The following TBL1X variants were observed in gnomAD, a reference collection of about 807,000 sequenced individuals.
The protein encoded by TBL1X is F-box-like/WD repeat-containing protein TBL1X.
In TBL1X, 10 loss-of-function variants were observed where a neutral mutation model predicts 50.7. The ratio of observed to expected loss-of-function variants is 0.20; its 90% CI spans 0.12 to 0.33. TBL1X has a LOEUF of 0.33. TBL1X is among the 10% of genes least tolerant of loss of function. TBL1X has a pLI of 1.00. For synonymous variants in TBL1X, 190 were observed against 214.7 expected (o/e 0.88, Z 1.01); for missense variants, 340 against 504.4 (o/e 0.67, Z 3.12).
intron 2 of TBL1X, among the ~76,000 whole-genome samples, chrX:9,614,299 G>A (rs533759292): frequency 9.0e-6 from 1 of 111,640 alleles, no homozygotes; most frequent in African/African-American, 3.3e-5. Flanking sequence ...TGAATGTGGT[G>A]GCTCACATCT....
At chrX:9,482,034 A>G (rs1392582903) in intron 1 of TBL1X, among the ~76,000 whole-genome samples, 20 of 112,367 alleles carry the variant, frequency 1.8e-4, no homozygotes, top group African/African-American at 6.1e-4. Flanking sequence ...GAAAAAAACT[A>G]TAGAACACCT....
At chrX:9,488,705 T>C (rs1355411461) in intron 1 of TBL1X, among the ~76,000 whole-genome samples, 1 of 112,120 alleles carries the variant, frequency 8.9e-6, no homozygotes, top group Non-Finnish European at 1.9e-5. Flanking sequence ...ACTTCCTTTG[T>C]TTCTGTCTCT....
chrX:9,645,350 G>A (rs1330859511), intron 3 of TBL1X: 1 of 112,055 alleles, frequency 8.9e-6, no homozygotes, highest in Non-Finnish European at 1.9e-5. Flanking sequence ...ACGCCCAGCC[G>A]ACATTCCCAG....
intron 2 of TBL1X, among the ~76,000 whole-genome samples, chrX:9,545,021 T>G (rs1461360145): frequency 1.0e-4 from 10 of 98,118 alleles, no homozygotes; most frequent in Admixed American, 1.1e-4. Flanking sequence ...TTTTTTTTTT[T>G]TTTGAAATGG....
At chrX:9,519,184 C>T in intron 2 of TBL1X, among the ~76,000 whole-genome samples, 1 of 111,871 alleles carries the variant, frequency 8.9e-6, no homozygotes, top group Non-Finnish European at 1.9e-5. Flanking sequence ...ACATGGAATG[C>T]CACAATGTAC....
At chrX:9,578,640 G>T (rs1353250294) in intron 2 of TBL1X, among the ~76,000 whole-genome samples, 2 of 111,877 alleles carry the variant, frequency 1.8e-5, no homozygotes, top group Non-Finnish European at 3.8e-5. Flanking sequence ...GTTGCCTGTG[G>T]CAGATGCAGG....
At chrX:9,711,174 T>G (rs1455130128) in intron 15 of TBL1X, among the ~76,000 whole-genome samples, 1 of 109,913 alleles carries the variant, frequency 9.1e-6, no homozygotes, top group Admixed American at 9.8e-5. Context: ...AAACCCCGTC[T>G]CTACAAAAAA....
chrX:9,693,076 G>C, intron 9 of TBL1X, 73 bp from the exon 10 acceptor site: 3 of 1,095,503 alleles, frequency 2.7e-6, no homozygotes, highest in Non-Finnish European at 3.8e-6. Context: ...TCCTCGGAGA[G>C]GCTCTCCGAG....
rs374017922 is a variant in TBL1X, at chrX:9,688,218, C to T, written c.559C>T (p.Pro187Ser). The T allele has an allele frequency of 4.2e-6, 5 of 1,200,263 alleles. 1 individual carries two copies. Among genetic ancestry groups the T allele is most frequent in the Admixed American group, 4.5e-5 (2 of 44,715 alleles). Residue 187 changes from proline (P) to serine (S), a missense_variant, in exon 7 of 18, where the codon CCA becomes TCA. Around this residue, in one of 6 missense-constraint regions of TBL1X, gnomAD observed 99 missense variants for 93.3 expected, o/e 1.06. Coordinates refer to ENST00000645353, the MANE Select transcript of TBL1X (RefSeq NM_005647.4). ...TTSAGVSHQN[P>S]SKNREATVNG... ...CTCAGCCGGCGTTTCCCACCAAAAT[C>T]CATCGAAGAACAGAGAGGCCACGGT...
chrX:9,491,324 ATATATATATATATATTT>A lies in TBL1X; in HGVS notation c.-200-10454_-200-10438del, dbSNP rs1294144564. Among the ~76,000 whole-genome samples, 43 of 67,829 alleles carry A rather than the reference ATATATATATATATATTT, an allele frequency of 6.3e-4. 1 individual carries two copies. Among genetic ancestry groups the A allele is most frequent in the African/African-American group, 2.5e-3 (36 of 14,299 alleles). The allele number at this position is 67,829 out of a possible 115,157, so 58.9% of individuals were successfully genotyped here. ...AGTATATTTATATATATATATATATATATATATATATATATTTTTTTTTTTTTTTTCTTTGAGACAGA... is the reference window on the plus strand; with the variant it reads ...AGTATATTTATATATATATATATATATTTTTTTTTTTTTCTTTGAGACAGA... On this transcript the variant is annotated intron_variant, in intron 1 of 17. Coordinates refer to ENST00000645353, the MANE Select transcript of TBL1X (RefSeq NM_005647.4).
intron 1 of TBL1X, among the ~76,000 whole-genome samples, chrX:9,495,330 G>C (rs2081966247): frequency 9.0e-6 from 1 of 111,019 alleles, no homozygotes; most frequent in African/African-American, 3.3e-5. Flanking sequence ...AGGGAGAGGG[G>C]ATAATGACAG....
intron 5 of TBL1X, among the ~76,000 whole-genome samples, chrX:9,664,866 C>G (rs779771904): frequency 9.0e-6 from 1 of 111,294 alleles, no homozygotes; most frequent in Non-Finnish European, 1.9e-5. Context: ...GTCCTGAATA[C>G]TATAGGATGT....
At chrX:9,658,502 C>T (rs2082877848) in intron 5 of TBL1X, among the ~76,000 whole-genome samples, 1 of 110,715 alleles carries the variant, frequency 9.0e-6, no homozygotes, top group South Asian at 3.8e-4. Context: ...CTGAATACAG[C>T]CAGGGAAGTG....
At chrX:9,621,093 G>A in intron 2 of TBL1X, among the ~76,000 whole-genome samples, 1 of 111,798 alleles carries the variant, frequency 8.9e-6, no homozygotes, top group Non-Finnish European at 1.9e-5. Context: ...GGTGGGTGGA[G>A]GTCTCTGCTG....
chrX:9,696,237 C>G (rs772699787), intron 11 of TBL1X, among the ~76,000 whole-genome samples: 8 of 112,193 alleles, frequency 7.1e-5, no homozygotes, highest in Non-Finnish European at 1.1e-4. Flanking sequence ...TTTTGCATGG[C>G]TAAATTAAGA....
In TBL1X at chrX:9,688,093, C is replaced by T. The variant is rs779865031; in HGVS notation, c.434C>T (p.Thr145Met). 3.3e-5 allele frequency: 40 copies of T among 1,209,918 alleles called. No individual in the cohort carries two copies. Among genetic ancestry groups the T allele is most frequent in the Admixed American group, 8.7e-5 (4 of 45,809 alleles). ...GCCGTGATGCCCGACGTGGTGCAGACGCGGCAGCAGGCATTCCGAGAGAAG... is the reference window on the plus strand; with the variant it reads ...GCCGTGATGCCCGACGTGGTGCAGATGCGGCAGCAGGCATTCCGAGAGAAG... ...IDAVMPDVVQ[T>M]RQQAFREKLA... Residue 145 changes from threonine (T) to methionine (M), a missense_variant, in exon 7 of 18, where the codon ACG (threonine) becomes ATG (methionine). By Grantham distance (81) the Thr-to-Met change is moderately conservative (BLOSUM62 -1). Around this residue, in one of 6 missense-constraint regions of TBL1X, gnomAD observed 99 missense variants for 93.3 expected, o/e 1.06. Transcript: ENST00000645353.
intron 6 of TBL1X, among the ~76,000 whole-genome samples, chrX:9,686,045 C>G (rs1385233149): frequency 9.0e-6 from 1 of 111,562 alleles, no homozygotes; most frequent in Non-Finnish European, 1.9e-5. Flanking sequence ...GCACTTCTGC[C>G]TGCCATTTTT....
chrX:9,527,150 C>G (rs1803239484), intron 2 of TBL1X, among the ~76,000 whole-genome samples: 1 of 112,184 alleles, frequency 8.9e-6, no homozygotes, highest in African/African-American at 3.2e-5. Context: ...GCTTCCCTAG[C>G]CCACGTTGGT....
chrX:9,625,854 G>A (rs1253507218), intron 2 of TBL1X, among the ~76,000 whole-genome samples: 1 of 112,198 alleles, frequency 8.9e-6, no homozygotes, highest in Non-Finnish European at 1.9e-5. Flanking sequence ...CAGGAGAATC[G>A]CTTGAACCCG....
Sources: gnomAD v4.1 joint callset for allele counts (sites outside exome capture counted in the v4.1 genomes callset) on GRCh38, gnomAD v4.1.1 for gene constraint, gnomAD v4.1.1 regional missense constraint, MANE v1.5 for transcripts, NCBI Gene and HGNC (gene_info 2026-07-23, HGNC 2026-07-21) for gene names.